KATNAL2: variants seen among roughly 807,000 people sequenced by gnomAD.
KATNAL2 encodes katanin p60 ATPase-containing subunit A-like 2.
Under a neutral mutation model 76.3 loss-of-function variants are expected in KATNAL2, and 52 were observed. That is an observed-to-expected ratio of 0.68 (90% CI 0.55 to 0.86). The LOEUF is 0.86. Among genes scored for constraint, KATNAL2 ranks in the 40% least tolerant of loss-of-function variants. KATNAL2 has a pLI of 0.00. For missense variants in KATNAL2, 660 were observed against 668.9 expected, an observed-to-expected ratio of 0.99 and a Z score of 0.15; for synonymous variants, 243 against 244.2, an observed-to-expected ratio of 1.00 and a Z score of 0.05.
rs139790298 is a variant in KATNAL2, at chr18:47,066,013, T to A, written c.727-1008T>A. Among the ~76,000 whole-genome samples, 696 of 151,596 alleles carry A rather than the reference T, an allele frequency of 4.6e-3. 4 individuals are homozygous for A. Among genetic ancestry groups the A allele is most frequent in the African/African-American group, 0.016 (658 of 41,454 alleles). Reference sequence around the variant, plus strand: ...AATTTAAAAAATTTAAAAAAAATTTTAAAAAAATAAAAATGAACCTCCTAT... The same window carrying A: ...AATTTAAAAAATTTAAAAAAAATTTAAAAAAAATAAAAATGAACCTCCTAT... On this transcript the variant is annotated intron_variant, in intron 10 of 17. Coordinates refer to ENST00000683218, the MANE Select transcript of KATNAL2 (RefSeq NM_001387690.1).
At position 46,932,567 on chromosome 18, in the gene KATNAL2, A is replaced by C. The variant is rs528367004; in HGVS notation, c.-509-13490A>C. Among the ~76,000 whole-genome samples the C allele has an allele frequency of 1.0e-4, 15 of 147,256 alleles. No homozygotes were observed. The South Asian group carries it at 2.7e-3, about 27-fold the overall frequency. ...TGTGCGCCTGTATGCACCGCCACTC[A>C]GGAGGCTGAGGCATGAGAATCACTT... On this transcript the variant is annotated intron_variant, in intron 1 of 17. Transcript: ENST00000683218.
chr18:46,962,037 C>T (rs574901296), intron 3 of KATNAL2, among the ~76,000 whole-genome samples: 3 of 152,274 alleles, frequency 2.0e-5, no homozygotes, highest in African/African-American at 7.2e-5. Flanking sequence ...GTATGTTAGT[C>T]CTTCCAAAAA....
intron 3 of KATNAL2, among the ~76,000 whole-genome samples, chr18:47,032,321 A>G (rs1480462214): frequency 6.6e-6 from 1 of 152,246 alleles, no homozygotes; most frequent in Non-Finnish European, 1.5e-5. Flanking sequence ...ATGAAGGGTC[A>G]CTGCAACCTC....
At position 46,938,302 on chromosome 18, in the gene KATNAL2, A is replaced by G. The variant is rs1288771059; in HGVS notation, c.-509-7755A>G. On this transcript the variant is annotated intron_variant, in intron 1 of 17. Transcript: ENST00000683218. ...ATGTGATAAAAATTCAAAACCTTACATGTGAATGGTGACTATCAAAACCAG... is the reference window on the plus strand; with the variant it reads ...ATGTGATAAAAATTCAAAACCTTACGTGTGAATGGTGACTATCAAAACCAG... Among the ~76,000 whole-genome samples, 6 of 152,138 alleles carry G rather than the reference A, an allele frequency of 3.9e-5. No individual in the cohort carries two copies. The East Asian group carries it at 9.6e-4, about 24-fold the overall frequency.
chr18:47,035,448 G>C (rs908067480), intron 3 of KATNAL2: 15 of 1,322,128 alleles, frequency 1.1e-5, no homozygotes, highest in South Asian at 6.1e-5. Context: ...GTCTGGAACG[G>C]CCGTCCTTGC....
intron 3 of KATNAL2, among the ~76,000 whole-genome samples, chr18:46,955,140 C>CTTTCTT (rs1555834718): frequency 1.3e-3 from 108 of 85,070 alleles, no homozygotes; most frequent in East Asian, 3.3e-3. Flanking sequence ...CTTTCTCTCT[C>CTTTCTT]TCTTTCTTTC....
chr18:47,039,590 T>G (rs1421955832), intron 3 of KATNAL2, among the ~76,000 whole-genome samples: 1 of 152,198 alleles, frequency 6.6e-6, no homozygotes, highest in Non-Finnish European at 1.5e-5. Flanking sequence ...TAATATAGTG[T>G]AATTGACCCT....
intron 15 of KATNAL2, among the ~76,000 whole-genome samples, chr18:47,081,024 T>C (rs2062487900): frequency 6.8e-6 from 1 of 147,588 alleles, no homozygotes; most frequent in South Asian, 2.2e-4. Context: ...CCCTCCTCCC[T>C]TTCCTTCCCT....
rs2061812332 is a variant in KATNAL2, at chr18:47,066,847, T to TA, written c.727-174_727-173insA. On this transcript the variant is annotated intron_variant, in intron 10 of 17. Coordinates refer to ENST00000683218, the MANE Select transcript of KATNAL2 (RefSeq NM_001387690.1). ...CCAAAATTACAATGTATATATGTGTTTATATATATATATATATATATATAT... is the reference window on the plus strand; with the variant it reads ...CCAAAATTACAATGTATATATGTGTTATATATATATATATATATATATATAT... 3.7e-4 allele frequency among the ~76,000 whole-genome samples: 11 copies of TA among 29,584 alleles called. 1 individual carries two copies. Among genetic ancestry groups the TA allele is most frequent in the South Asian group, 3.4e-3 (2 of 592 alleles). 19.4% of individuals were successfully genotyped at this position (29,584 alleles called of 152,430 possible).
chr18:46,929,818 G>C (rs1057020145), intron 1 of KATNAL2, among the ~76,000 whole-genome samples: 2 of 151,754 alleles, frequency 1.3e-5, no homozygotes, highest in Non-Finnish European at 2.9e-5. Flanking sequence ...CTTGTCACCC[G>C]GGCTAGAGTA....
chr18:47,075,173 G>C, intron 13 of KATNAL2, 104 bp from the exon 14 acceptor site: 2 of 820,234 alleles, frequency 2.4e-6, no homozygotes, highest in South Asian at 2.2e-5. Context: ...ACAGAGTGCA[G>C]CATAAATGCT....
chr18:47,050,707 G>A (rs888114782), intron 4 of KATNAL2, among the ~76,000 whole-genome samples: 1 of 152,240 alleles, frequency 6.6e-6, no homozygotes, highest in African/African-American at 2.4e-5. Context: ...AAGGACATAT[G>A]AGTGTCAATA....
At chr18:46,960,218 C>T (rs2059894505) in intron 3 of KATNAL2, among the ~76,000 whole-genome samples, 1 of 152,068 alleles carries the variant, frequency 6.6e-6, no homozygotes, top group Non-Finnish European at 1.5e-5. Flanking sequence ...AGGTGGATCA[C>T]CTGAAGGTCA....
At chr18:46,965,968 T>TTCTC (rs372849505) in intron 3 of KATNAL2, among the ~76,000 whole-genome samples, 3 of 149,042 alleles carry the variant, frequency 2.0e-5, no homozygotes, top group East Asian at 4.0e-4. Flanking sequence ...TCACATGACT[T>TTCTC]TCTCTCTCTC....
intron 3 of KATNAL2, among the ~76,000 whole-genome samples, chr18:46,952,690 C>T (rs1221612087): frequency 2.0e-5 from 3 of 152,046 alleles, no homozygotes; most frequent in Non-Finnish European, 4.4e-5. Flanking sequence ...TGAGCCACTG[C>T]CCCTGGCCCA....
At chr18:46,918,669 G>A (rs1440018459) in intron 1 of KATNAL2, among the ~76,000 whole-genome samples, 1 of 152,132 alleles carries the variant, frequency 6.6e-6, no homozygotes, top group Non-Finnish European at 1.5e-5. Context: ...TGATCCGCCC[G>A]CCTCGGCCTC....
At chr18:46,966,348 G>C (rs2060136574) in intron 3 of KATNAL2, among the ~76,000 whole-genome samples, 1 of 96,004 alleles carries the variant, frequency 1.0e-5, no homozygotes, top group African/African-American at 3.9e-5. Flanking sequence ...TTTTGTGCGG[G>C]GGTTGTTTCC....
chr18:47,069,428 A>G, intron 12 of KATNAL2, 54 bp from the exon 13 acceptor site: 1 of 1,440,390 alleles, frequency 6.9e-7, no homozygotes, highest in Non-Finnish European at 9.7e-7. Context: ...TTCTGTCTAT[A>G]AGCAGGGGGA....
intron 3 of KATNAL2, chr18:47,033,227 C>T (rs2146942687): frequency 6.2e-7 from 1 of 1,613,910 alleles, no homozygotes; most frequent in Non-Finnish European, 8.5e-7. Context: ...TGGCTGCTTC[C>T]CGCGGGCTTG....
Sources: gnomAD v4.1 joint callset for allele counts (sites outside exome capture counted in the v4.1 genomes callset) on GRCh38, gnomAD v4.1.1 for gene constraint, MANE v1.5 for transcripts, NCBI Gene and HGNC (gene_info 2026-07-23, HGNC 2026-07-21) for gene names.